Variants in MCF2L observed in about 807,000 individuals in gnomAD.
MCF2L encodes MCF.2 cell line derived transforming sequence like.
Under a neutral mutation model 153.4 loss-of-function variants are expected in MCF2L, and 97 were observed. The observed-to-expected ratio is 0.63, with a 90% confidence interval of 0.54 to 0.75. The LOEUF (loss-of-function observed/expected upper bound fraction) is 0.75, where lower values mean the gene tolerates loss of function less well. Ranked by LOEUF, MCF2L falls within the 30% of genes least tolerant of loss-of-function variation. The pLI is 0.00. For synonymous variants in MCF2L, 659 were observed against 632.2 expected, an observed-to-expected ratio of 1.04 and a Z score of -0.64; for missense variants, 1,347 against 1,495.2, an observed-to-expected ratio of 0.90 and a Z score of 1.64.
At chr13:112,912,229 C>G (rs1416709865) in intron 2 of MCF2L, among the ~76,000 whole-genome samples, 1 of 152,200 alleles carries the variant, frequency 6.6e-6, no homozygotes, top group Non-Finnish European at 1.5e-5. Context: ...CAGAGTGGTG[C>G]TCTCCATCTC....
intron 1 of MCF2L, among the ~76,000 whole-genome samples, chr13:113,002,542 T>G (rs1020269291): frequency 6.6e-6 from 1 of 152,186 alleles, no homozygotes. Context: ...TGGACCCGGC[T>G]GGGCGGCCTC....
rs1035192445 is a variant in MCF2L, at chr13:112,977,300, C to T, written c.79+7842C>T. 5.3e-5 allele frequency among the ~76,000 whole-genome samples: 8 copies of T among 152,312 alleles called. No individual in the cohort carries two copies. The East Asian group carries it at 9.7e-4, about 18-fold the overall frequency. On this transcript the variant is annotated intron_variant, in intron 1 of 29. Transcript: ENST00000535094. ...CAGGGGCCCAACCATTCTCGAGCCT[C>T]CCTGAAGCCAACCAGCGGGGTGACA...
chr13:112,919,229 G>A (rs1196590718), intron 2 of MCF2L, among the ~76,000 whole-genome samples: 1 of 119,286 alleles, frequency 8.4e-6, no homozygotes, highest in Non-Finnish European at 1.6e-5. Flanking sequence ...TTTTTGAGAC[G>A]GAGTCTTGCT....
chr13:112,916,853 T>C (rs1056741262), intron 2 of MCF2L, among the ~76,000 whole-genome samples: 1 of 152,128 alleles, frequency 6.6e-6, no homozygotes, highest in South Asian at 2.1e-4. Context: ...TTGACAGAGC[T>C]GAACCAGTTG....
chr13:113,015,687 C>T (rs540559270), intron 2 of MCF2L, among the ~76,000 whole-genome samples: 1 of 152,332 alleles, frequency 6.6e-6, no homozygotes, highest in East Asian at 1.9e-4. Context: ...CGAGGTGCAG[C>T]TGGTGAGTTT....
chr13:113,097,587 T>C lies in MCF2L; in HGVS notation c.*728T>C, dbSNP rs768316517. On this transcript the variant is annotated 3_prime_UTR_variant, in exon 30 of 30. Coordinates refer to ENST00000535094, the MANE Select transcript of MCF2L (RefSeq NM_001112732.3). Reference sequence around the variant, plus strand: ...CAAAAGCAGTTAGAAGCCAAGGAGATTCCTTTATCTACCTAGGGTTCATTT... The same window carrying C: ...CAAAAGCAGTTAGAAGCCAAGGAGACTCCTTTATCTACCTAGGGTTCATTT... 1.3e-5 allele frequency: 2 copies of C among 152,146 alleles called. No individual in the cohort carries two copies. Among genetic ancestry groups the C allele is most frequent in the Non-Finnish European group, 2.9e-5 (2 of 68,036 alleles). The allele number at this position is 152,146 out of a possible 1,614,324, so 9.4% of individuals were successfully genotyped here. A position where few individuals can be genotyped will look rare whatever the true frequency, so the allele number is the denominator to read the frequency against.
At chr13:113,007,347 A>G (rs914669984) in intron 1 of MCF2L, among the ~76,000 whole-genome samples, 4 of 152,222 alleles carry the variant, frequency 2.6e-5, no homozygotes, top group Non-Finnish European at 5.9e-5. Flanking sequence ...CCCCTGGCTC[A>G]GACAGTGTGA....
intron 1 of MCF2L, among the ~76,000 whole-genome samples, chr13:112,997,217 G>T (rs899703317): frequency 6.6e-6 from 1 of 152,172 alleles, no homozygotes. Flanking sequence ...ACCACTGTGG[G>T]TCTGGCCCAG....
rs1178188191 is a variant in MCF2L at position 113,095,825 on chromosome 13, C to T, written c.3076-546C>T. 4 of 993,598 alleles carry T rather than the reference C, an allele frequency of 4.0e-6. No individual in the cohort carries two copies. In the African/African-American group the frequency reaches 7.0e-5, roughly 17 times the overall value. 61.5% of individuals were successfully genotyped at this position (993,598 alleles called of 1,614,324 possible). ...TCCCCATTCCCCAACGGAACGTGTT[C>T]CATGACATCTGTGCAGCATCCGCTG... is the stretch of plus-strand genomic sequence containing the variant. On this transcript the variant is annotated intron_variant, in intron 27 of 29. Transcript: ENST00000535094.
chr13:113,066,484 C>T (rs1479878268), intron 8 of MCF2L, among the ~76,000 whole-genome samples: 1 of 152,220 alleles, frequency 6.6e-6, no homozygotes, highest in Non-Finnish European at 1.5e-5. Context: ...TGCCTTAGAC[C>T]TGGGGCTTCT....
intron 5 of MCF2L, among the ~76,000 whole-genome samples, chr13:113,061,084 C>A (rs1371987222): frequency 6.6e-6 from 1 of 152,140 alleles, no homozygotes; most frequent in East Asian, 1.9e-4. Flanking sequence ...CAGCCCAGGC[C>A]CTGCCTGCAC....
At chr13:112,950,061 T>G (rs574619086) in intron 2 of MCF2L, among the ~76,000 whole-genome samples, 1 of 149,544 alleles carries the variant, frequency 6.7e-6, no homozygotes, top group Non-Finnish European at 1.5e-5. Context: ...AGATACAAGA[T>G]AAACATAGAA....
chr13:112,903,505 C>T (rs1386732535), intron 2 of MCF2L, among the ~76,000 whole-genome samples: 1 of 152,184 alleles, frequency 6.6e-6, no homozygotes, highest in East Asian at 1.9e-4. Flanking sequence ...AGAGATTCCA[C>T]CTGGTGACTG....
At chr13:112,947,664 G>T (rs1256291704) in intron 2 of MCF2L, among the ~76,000 whole-genome samples, 1 of 152,210 alleles carries the variant, frequency 6.6e-6, no homozygotes, top group African/African-American at 2.4e-5. Context: ...TGGACACCCT[G>T]GGGTGGGGTT....
chr13:113,080,414 A>T (rs945158189), intron 15 of MCF2L, among the ~76,000 whole-genome samples: 10 of 152,174 alleles, frequency 6.6e-5, no homozygotes, highest in African/African-American at 2.4e-4. Context: ...GGGAGTCCAG[A>T]GCCCTCTTGC....
At chr13:112,929,890 C>T (rs1206766495) in intron 2 of MCF2L, among the ~76,000 whole-genome samples, 2 of 152,214 alleles carry the variant, frequency 1.3e-5, no homozygotes, top group African/African-American at 4.8e-5. Flanking sequence ...CAGATGACCC[C>T]TGTTTTGTGA....
intron 26 of MCF2L, among the ~76,000 whole-genome samples, chr13:113,092,250 G>T (rs2035280430): frequency 6.6e-6 from 1 of 152,254 alleles, no homozygotes; most frequent in Non-Finnish European, 1.5e-5. Flanking sequence ...GCCAAGCTCA[G>T]CCTCTGCTTC....
intron 2 of MCF2L, among the ~76,000 whole-genome samples, chr13:112,915,440 A>G (rs1181794266): frequency 6.8e-6 from 1 of 146,492 alleles, no homozygotes; most frequent in East Asian, 2.0e-4. Context: ...TCCTCACTAC[A>G]CGCATCAGCA....
chr13:112,939,796 G>A (rs1445023452), intron 2 of MCF2L, among the ~76,000 whole-genome samples: 2 of 152,136 alleles, frequency 1.3e-5, no homozygotes, highest in Admixed American at 6.5e-5. Flanking sequence ...GGGCCAACAT[G>A]ATGAAACCTC....
Sources: gnomAD v4.1 joint callset for allele counts (sites outside exome capture counted in the v4.1 genomes callset) on GRCh38, gnomAD v4.1.1 for gene constraint, MANE v1.5 for transcripts, NCBI Gene and HGNC (gene_info 2026-07-23, HGNC 2026-07-21) for gene names.